The following IWS1 variants were observed in gnomAD, a reference collection of about 807,000 sequenced individuals.
The protein encoded by IWS1 is protein IWS1 homolog.
Under a neutral mutation model 86.7 loss-of-function variants are expected in IWS1, and 27 were observed. The ratio of observed to expected loss-of-function variants is 0.31; its 90% CI spans 0.23 to 0.43. The LOEUF (loss-of-function observed/expected upper bound fraction) is 0.43, where lower values mean the gene tolerates loss of function less well. Among genes scored for constraint, IWS1 ranks in the 20% least tolerant of loss-of-function variants. The probability of loss-of-function intolerance (pLI) is 1.00; values close to 1 mark genes in which losing one functional copy is unlikely to be tolerated. For synonymous variants in IWS1, 313 were observed against 335.1 expected (o/e 0.93, Z 0.72); for missense variants, 827 against 1,000.8 (o/e 0.83, Z 2.34).
chr2:127,496,645 T>C lies in IWS1; in HGVS notation c.1566-497A>G, dbSNP rs532567346. Among the ~76,000 whole-genome samples, 31 of 151,866 alleles carry C rather than the reference T, an allele frequency of 2.0e-4. No individual in the cohort carries two copies. In the South Asian group the frequency reaches 5.2e-3, roughly 26 times the overall value. Reference sequence around the variant, plus strand: ...AGGCTGGAGTGCGGTGGCACAATCATAGTTCACCGTAGCCTCAAACTCCTG... The same window carrying C: ...AGGCTGGAGTGCGGTGGCACAATCACAGTTCACCGTAGCCTCAAACTCCTG... On this transcript the variant is annotated intron_variant, in intron 6 of 13. Coordinates refer to ENST00000295321, the MANE Select transcript of IWS1 (RefSeq NM_017969.3).
intron 1 of IWS1, among the ~76,000 whole-genome samples, chr2:127,525,162 T>A (rs967780682): frequency 6.7e-6 from 1 of 149,712 alleles, no homozygotes; most frequent in Non-Finnish European, 1.5e-5. Flanking sequence ...GGTCTCACTA[T>A]GTTGCCCAGG....
intron 2 of IWS1, among the ~76,000 whole-genome samples, chr2:127,521,258 T>C (rs920498502): frequency 6.6e-6 from 1 of 151,930 alleles, no homozygotes; most frequent in Non-Finnish European, 1.5e-5. Flanking sequence ...TCAAAATATA[T>C]ACATAGAAAG....
intron 2 of IWS1, among the ~76,000 whole-genome samples, chr2:127,521,257 A>C (rs1310594575): frequency 6.6e-6 from 1 of 152,182 alleles, no homozygotes; most frequent in African/African-American, 2.4e-5. Context: ...CTCAAAATAT[A>C]TACATAGAAA....
rs568334781 is a variant in IWS1, at chr2:127,483,259, T to C, written c.2329-2084A>G. ...ACGGAGTAAATGAACATATAAAAAA[T>C]ACAATGTAGCACAGGTTACTACATT... On this transcript the variant is annotated intron_variant, in intron 13 of 13. Coordinates refer to ENST00000295321, the MANE Select transcript of IWS1 (RefSeq NM_017969.3). 2.0e-5 allele frequency among the ~76,000 whole-genome samples: 3 copies of C among 152,244 alleles called. No individual in the cohort carries two copies. In the South Asian group the frequency reaches 6.2e-4, roughly 32 times the overall value.
chr2:127,507,190 A>C (rs1404848381), intron 2 of IWS1, among the ~76,000 whole-genome samples: 2 of 152,202 alleles, frequency 1.3e-5, no homozygotes, highest in Admixed American at 1.3e-4. Flanking sequence ...GACAAGATAA[A>C]TGGCTTGAAA....
At position 127,525,056 on chromosome 2, in the gene IWS1, C is replaced by T. The variant is rs1692318900; in HGVS notation, c.34+1119G>A. ...GACTACAGGTGTATGCCACCACACT[C>T]GGCTAATTTTTGCATTTTTTTGTAG... On this transcript the variant is annotated intron_variant, in intron 1 of 13. Coordinates refer to ENST00000295321, the MANE Select transcript of IWS1 (RefSeq NM_017969.3). Among the ~76,000 whole-genome samples, 6 of 129,266 alleles carry T rather than the reference C, an allele frequency of 4.6e-5. No individual in the cohort carries two copies. The South Asian group carries it at 1.4e-3, about 30-fold the overall frequency. The allele number at this position is 129,266 out of a possible 152,430, so 84.8% of individuals were successfully genotyped here. A position where few individuals can be genotyped will look rare whatever the true frequency, so the allele number is the denominator to read the frequency against.
chr2:127,498,333 C>A, intron 5 of IWS1, 96 bp from the exon 6 acceptor site: 1 of 1,169,110 alleles, frequency 8.6e-7, no homozygotes, highest in Admixed American at 2.6e-5. Flanking sequence ...TCACAAAGAA[C>A]AAAAATTCAA....
At chr2:127,503,601 AATTTT>A (rs771152243) in intron 3 of IWS1, 25 bp from the exon 4 acceptor site, 103 of 1,541,806 alleles carry the variant, frequency 6.7e-5, no homozygotes, top group Admixed American at 1.5e-4. Flanking sequence ...AATCATCATT[AATTTT>A]ATTTTATCAC....
intron 5 of IWS1, chr2:127,501,862 GTTT>G (rs1690835827): frequency 1.3e-5 from 2 of 152,092 alleles, no homozygotes; most frequent in Non-Finnish European, 2.9e-5. Flanking sequence ...TGTACATCGA[GTTT>G]TTAATTTCAG....
chr2:127,490,464 A>G (rs1690166921), intron 10 of IWS1, among the ~76,000 whole-genome samples: 1 of 152,172 alleles, frequency 6.6e-6, no homozygotes, highest in African/African-American at 2.4e-5. Flanking sequence ...AATGACCATG[A>G]AAGAAAGTAT....
chr2:127,514,671 ACT>A (rs1408938217), intron 2 of IWS1: 1 of 152,216 alleles, frequency 6.6e-6, no homozygotes, highest in Admixed American at 6.5e-5. Flanking sequence ...GCTGCGGCAC[ACT>A]GTGTCCAGCT....
chr2:127,489,335 G>T lies in IWS1; in HGVS notation c.2160-100C>A. 1 of 757,168 alleles carries T rather than the reference G, an allele frequency of 1.3e-6. No individual in the cohort carries two copies. Among genetic ancestry groups the T allele is most frequent in the Non-Finnish European group, 2.3e-6 (1 of 444,076 alleles). The allele number at this position is 757,168 out of a possible 1,614,324, so 46.9% of individuals were successfully genotyped here. On this transcript the variant is annotated intron_variant, in intron 11 of 13. Coordinates refer to ENST00000295321, the MANE Select transcript of IWS1 (RefSeq NM_017969.3). The surrounding 1 kb of genome is among the most constrained non-coding windows in gnomAD (Gnocchi z 4.8). ...CAAACTTAGACCATAACTATTAATA[G>T]CTCTTTTACGATGGATCAGGGAAAA...
chr2:127,486,336 A>T (rs957126374), intron 13 of IWS1: 1 of 420,432 alleles, frequency 2.4e-6, no homozygotes, highest in Non-Finnish European at 4.4e-6. Flanking sequence ...TTGAATTAAG[A>T]CTGAAGAAAA....
At chr2:127,512,242 C>T (rs1180625619) in intron 2 of IWS1, among the ~76,000 whole-genome samples, 1 of 152,124 alleles carries the variant, frequency 6.6e-6, no homozygotes, top group African/African-American at 2.4e-5. Context: ...GAATCAAAAC[C>T]ACACAGCTAA....
chr2:127,485,095 CA>C (rs1351509340), intron 13 of IWS1, among the ~76,000 whole-genome samples: 1 of 152,022 alleles, frequency 6.6e-6, no homozygotes, highest in African/African-American at 2.4e-5. Flanking sequence ...GATATGGGCA[CA>C]AGAAAGAGGA....
In IWS1 at chr2:127,499,441, T is replaced by C. The variant is rs1371618247; in HGVS notation, c.1468-1204A>G. Among the ~76,000 whole-genome samples, 1 of 152,226 alleles carries C rather than the reference T, an allele frequency of 6.6e-6. No individual in the cohort carries two copies. The highest frequency in any genetic ancestry group is 1.9e-4 in the East Asian group (1 of 5,200). On this transcript the variant is annotated intron_variant, in intron 5 of 13. Coordinates refer to ENST00000295321, the MANE Select transcript of IWS1 (RefSeq NM_017969.3). The surrounding 1 kb of genome is among the most constrained non-coding windows in gnomAD (Gnocchi z 4.0). ...TGGCCTGTCTTTTCTTTATAGTGTCTACCTTTTGTGTTATACTTAGAGGCT... is the reference window on the plus strand; with the variant it reads ...TGGCCTGTCTTTTCTTTATAGTGTCCACCTTTTGTGTTATACTTAGAGGCT...
chr2:127,524,469 C>T (rs1692275519), intron 1 of IWS1, among the ~76,000 whole-genome samples: 1 of 151,150 alleles, frequency 6.6e-6, no homozygotes, highest in Admixed American at 6.6e-5. Flanking sequence ...GGGATTACAC[C>T]CAGCCCCAAT....
chr2:127,484,370 A>T (rs764402348), intron 13 of IWS1: 2 of 152,228 alleles, frequency 1.3e-5, no homozygotes, highest in African/African-American at 4.8e-5. Flanking sequence ...ATTTATTTAC[A>T]TAACTTTGAA....
intron 2 of IWS1, chr2:127,511,505 C>T (rs978760176): frequency 6.6e-6 from 1 of 152,234 alleles, no homozygotes; most frequent in Admixed American, 6.5e-5. Context: ...CAAATACATC[C>T]TGTGACGTCT....
Sources: allele counts gnomAD v4.1 joint callset (sites outside exome capture counted in the v4.1 genomes callset), GRCh38; gene constraint gnomAD v4.1.1; non-coding constraint Gnocchi (gnomAD v3.1); transcripts MANE v1.5; gene names NCBI Gene and HGNC (gene_info 2026-07-23, HGNC 2026-07-21).